The following LARGE1 variants were observed in gnomAD, a reference collection of about 807,000 sequenced individuals.
The protein encoded by LARGE1 is LARGE xylosyl- and glucuronyltransferase 1, also known as xylosyl- and glucuronyltransferase LARGE1.
A neutral mutation model predicts 87.6 loss-of-function variants in LARGE1; 43 were observed. That is an observed-to-expected ratio of 0.49 (90% CI 0.38 to 0.63). The LOEUF (loss-of-function observed/expected upper bound fraction) is 0.63, where lower values mean the gene tolerates loss of function less well. LARGE1 is among the 30% of genes least tolerant of loss of function. The probability of loss-of-function intolerance (pLI) is 0.00; values close to 1 mark genes in which losing one functional copy is unlikely to be tolerated. For synonymous variants in LARGE1, 434 were observed against 394.6 expected (o/e 1.10, Z -1.18); for missense variants, 802 against 1,000.2 (o/e 0.80, Z 2.67).
chr22:33,174,157 C>A (rs186706215), intron 11 of LARGE1, among the ~76,000 whole-genome samples: 1 of 152,280 alleles, frequency 6.6e-6, no homozygotes, highest in African/African-American at 2.4e-5. Context: ...GACCACAGTG[C>A]AATCAAATTA....
chr22:33,589,932 T>C (rs1436357208), intron 5 of LARGE1, among the ~76,000 whole-genome samples: 1 of 151,836 alleles, frequency 6.6e-6, no homozygotes, highest in African/African-American at 2.4e-5. Context: ...TGGTCAAGAG[T>C]AGGGCCTGTG....
Position 33,823,589 on chromosome 22 carries a change from CATG to C in LARGE1, c.-82-62034_-82-62032del, listed in dbSNP as rs1324176620. On this transcript the variant is annotated intron_variant, in intron 1 of 14. Transcript: ENST00000397394. ...CGCACCCCTCAGATAGGTCCGACGA[CATG>C]ATTTGTCCCTGTCCTTGCCCTCCGC... 3.9e-5 allele frequency among the ~76,000 whole-genome samples: 6 copies of C among 152,350 alleles called. No individual in the cohort carries two copies. The East Asian group carries it at 1.2e-3, about 29-fold the overall frequency.
intron 6 of LARGE1, among the ~76,000 whole-genome samples, chr22:33,486,316 A>G (rs2069570942): frequency 6.6e-6 from 1 of 152,192 alleles, no homozygotes; most frequent in Non-Finnish European, 1.5e-5. Flanking sequence ...GGGGCTCTAG[A>G]CCAAAGCCAC....
At chr22:33,478,600 T>A (rs2069178520) in intron 6 of LARGE1, among the ~76,000 whole-genome samples, 1 of 152,248 alleles carries the variant, frequency 6.6e-6, no homozygotes, top group South Asian at 2.1e-4. Flanking sequence ...TGCTATTTGC[T>A]ACCTGTGACC....
rs150010075 is a variant in LARGE1 at position 33,422,348 on chromosome 22, C to T, written c.892+9813G>A. Among the ~76,000 whole-genome samples the T allele has an allele frequency of 4.3e-4, 66 of 152,292 alleles. No homozygotes were observed. The East Asian group carries it at 7.5e-3, about 17-fold the overall frequency. On this transcript the variant is annotated intron_variant, in intron 7 of 14. Transcript: ENST00000397394. Reference sequence around the variant, plus strand: ...AAAGAAAAGTCATTTCATTGGCTCACGGTTCTGCAGGCTTTACAAGAAGTA... The same window carrying T: ...AAAGAAAAGTCATTTCATTGGCTCATGGTTCTGCAGGCTTTACAAGAAGTA...
the LARGE1 span, among the ~76,000 whole-genome samples, chr22:33,069,306 C>T: frequency 4.6e-5 from 7 of 152,230 alleles, no homozygotes; most frequent in East Asian, 1.9e-4. Flanking sequence ...CAGCTCAGCC[C>T]GTTACTACTT....
At chr22:33,436,019 G>A (rs1327199437) in intron 6 of LARGE1, among the ~76,000 whole-genome samples, 1 of 152,234 alleles carries the variant, frequency 6.6e-6, no homozygotes, top group Non-Finnish European at 1.5e-5. Flanking sequence ...ACGGTGTTGA[G>A]TTTTGCTTTC....
At chr22:33,388,700 G>A (rs982819904) in intron 7 of LARGE1, among the ~76,000 whole-genome samples, 2 of 152,108 alleles carry the variant, frequency 1.3e-5, no homozygotes, top group Non-Finnish European at 1.5e-5. Flanking sequence ...CAAGTAACTG[G>A]AACTACAGGC....
At chr22:33,090,237 G>T in the LARGE1 span, among the ~76,000 whole-genome samples, 3 of 152,072 alleles carry the variant, frequency 2.0e-5, no homozygotes, top group Non-Finnish European at 4.4e-5. Flanking sequence ...TAATAAAATA[G>T]AAAATAAATT....
At chr22:33,646,850 C>T (rs2080631637) in intron 3 of LARGE1, among the ~76,000 whole-genome samples, 1 of 152,224 alleles carries the variant, frequency 6.6e-6, no homozygotes, top group Non-Finnish European at 1.5e-5. Context: ...GCCTCAGCCT[C>T]CCAAGTAGCT....
chr22:33,762,844 G>A (rs911870241), intron 1 of LARGE1, among the ~76,000 whole-genome samples: 1 of 152,162 alleles, frequency 6.6e-6, no homozygotes, highest in Non-Finnish European at 1.5e-5. Context: ...TCCTGACATA[G>A]GTGTCACGCT....
Position 33,350,583 on chromosome 22 carries a change from C to G in LARGE1, c.1132-12782G>C, listed in dbSNP as rs1440998915. Among the ~76,000 whole-genome samples the G allele has an allele frequency of 1.3e-5, 2 of 152,114 alleles. 1 individual carries two copies. Among genetic ancestry groups the G allele is most frequent in the South Asian group, 4.1e-4 (2 of 4,820 alleles). ...GTGGAGGAGCAGCTGGCTTGAGTCC[C>G]GTGGGATGTTGCTAACTTGGCCGAA... On this transcript the variant is annotated intron_variant, in intron 9 of 14. Coordinates refer to ENST00000397394, the MANE Select transcript of LARGE1 (RefSeq NM_133642.5).
At chr22:33,655,520 C>G (rs2080934661) in intron 2 of LARGE1, among the ~76,000 whole-genome samples, 1 of 152,204 alleles carries the variant, frequency 6.6e-6, no homozygotes, top group African/African-American at 2.4e-5. Context: ...CTTGCTGACT[C>G]AACCTGAAGA....
chr22:33,464,843 G>A (rs761602473), intron 6 of LARGE1, among the ~76,000 whole-genome samples: 31 of 150,118 alleles, frequency 2.1e-4, no homozygotes, highest in African/African-American at 6.9e-4. Context: ...ACACACCCAC[G>A]CACACATACA....
intron 5 of LARGE1, among the ~76,000 whole-genome samples, chr22:33,589,349 G>A (rs531754182): frequency 6.6e-6 from 1 of 152,096 alleles, no homozygotes; most frequent in African/African-American, 2.4e-5. Context: ...AGTAAATGTT[G>A]GCTATTGATT....
chr22:33,305,718 T>C (rs1934784100), intron 11 of LARGE1: 1 of 344,646 alleles, frequency 2.9e-6, no homozygotes, highest in African/African-American at 2.2e-5. Context: ...TAAGTGGCAC[T>C]GCCCAGATTT....
At chr22:33,211,809 A>G (rs1037118341) in intron 11 of LARGE1, among the ~76,000 whole-genome samples, 32 of 152,324 alleles carry the variant, frequency 2.1e-4, no homozygotes, top group African/African-American at 7.7e-4. Context: ...GTGAATGCAC[A>G]CATGATAAGA....
At chr22:33,142,821 G>T in the LARGE1 span, among the ~76,000 whole-genome samples, 1 of 152,128 alleles carries the variant, frequency 6.6e-6, no homozygotes, top group Non-Finnish European at 1.5e-5. Flanking sequence ...ATTAACTTGG[G>T]TTTACCTTGG....
intron 7 of LARGE1, among the ~76,000 whole-genome samples, chr22:33,425,962 G>A (rs1241957325): frequency 1.3e-5 from 2 of 152,052 alleles, no homozygotes; most frequent in Non-Finnish European, 2.9e-5. Flanking sequence ...TAGCCAGGAT[G>A]GTCTCGATTT....
Sources: gnomAD v4.1 joint callset for allele counts (sites outside exome capture counted in the v4.1 genomes callset) on GRCh38, gnomAD v4.1.1 for gene constraint, MANE v1.5 for transcripts, NCBI Gene and HGNC (gene_info 2026-07-23, HGNC 2026-07-21) for gene names.